Variants in METTL22 observed in about 807,000 individuals in gnomAD.
The protein encoded by METTL22 is methyltransferase-like protein 22.
Under a neutral mutation model 48.4 loss-of-function variants are expected in METTL22, and 51 were observed. The ratio of observed to expected loss-of-function variants is 1.05; its 90% CI spans 0.84 to 1.33. METTL22 has a LOEUF of 1.33. Among genes scored for constraint, METTL22 ranks in the 40% most tolerant of loss-of-function variants. The pLI is 0.00. For missense variants in METTL22, 678 were observed against 526.9 expected (o/e 1.29, Z -2.81); for synonymous variants, 255 against 214.1 (o/e 1.19, Z -1.67).
chr16:8,640,313 T>G (rs1041445452), intron 6 of METTL22, among the ~76,000 whole-genome samples: 4 of 152,084 alleles, frequency 2.6e-5, no homozygotes, highest in Admixed American at 2.6e-4. Context: ...CCTGTGCGTT[T>G]GCCTCATCCT....
At chr16:8,642,330 C>A in intron 8 of METTL22, 123 bp downstream of exon 8, 2 of 1,230,788 alleles carry the variant, frequency 1.6e-6, no homozygotes, top group Non-Finnish European at 2.4e-6. Flanking sequence ...GCCACCACAT[C>A]TGCAGTTTTA....
intron 3 of METTL22, chr16:8,631,180 T>C (rs1230447088): frequency 6.6e-6 from 1 of 152,214 alleles, no homozygotes; most frequent in Non-Finnish European, 1.5e-5. Flanking sequence ...TTTCAAGTTA[T>C]AGACCCATTT....
At chr16:8,653,181 G>A (rs1163259742), downstream of METTL22, among the ~76,000 whole-genome samples, 1 of 152,206 alleles carries the variant, frequency 6.6e-6, no homozygotes, top group Non-Finnish European at 1.5e-5. Flanking sequence ...GCAGGTGTCA[G>A]CAGGAATTTG....
Position 8,646,256 on chromosome 16 carries a change from T to C in METTL22, c.*113T>C, listed in dbSNP as rs2056797587. The C allele has an allele frequency of 7.5e-7, 1 of 1,341,570 alleles. No individual in the cohort carries two copies. Among genetic ancestry groups the C allele is most frequent in the Non-Finnish European group, 1.1e-6 (1 of 947,000 alleles). The allele number at this position is 1,341,570 out of a possible 1,614,324, so 83.1% of individuals were successfully genotyped here. A position where few individuals can be genotyped will look rare whatever the true frequency, so the allele number is the denominator to read the frequency against. ...AGATTTTGTCATTTTAAAAATATGG[T>C]TACACGTACCTTAGATGACCCAAGA... On this transcript the variant is annotated 3_prime_UTR_variant, in exon 11 of 11. Coordinates refer to ENST00000381920, the MANE Select transcript of METTL22 (RefSeq NM_024109.4).
intron 2 of METTL22, 104 bp downstream of exon 2, chr16:8,625,902 T>C: frequency 7.0e-7 from 1 of 1,424,826 alleles, no homozygotes; most frequent in Non-Finnish European, 9.6e-7. Flanking sequence ...TACGTAACTG[T>C]TATCCTCAGA....
rs528846448 is a variant in METTL22 at position 8,644,665 on chromosome 16, G to C, written c.1119G>C (p.Val373=). 6.2e-6 allele frequency: 10 copies of C among 1,606,330 alleles called. No homozygotes were observed. The Admixed American group carries it at 1.7e-4, about 27-fold the overall frequency. Residue 373 remains valine, a synonymous_variant, in exon 10 of 11, where the codon GTG becomes GTC. Coordinates refer to ENST00000381920, the MANE Select transcript of METTL22 (RefSeq NM_024109.4). ...EQLADGKLRF[V]VEPVEASFPQ... is the part of the protein sequence containing the mutation. ...TCGCAGATGGCAAGCTGCGCTTCGT[G>C]GTGGAGCCCGTGGAGGCCTCCTTCC...
At chr16:8,635,362 C>A in intron 5 of METTL22, 50 bp downstream of exon 5, 1 of 1,487,458 alleles carries the variant, frequency 6.7e-7, no homozygotes, top group Non-Finnish European at 8.9e-7. Flanking sequence ...CTTCACAAAG[C>A]ATGCACTGAC....
In METTL22 at chr16:8,649,654, A is replaced by G. The variant is rs78647521; in HGVS notation, c.*3511A>G. The G allele has an allele frequency of 6.7e-6, 1 of 149,726 alleles. No homozygotes were observed. Among genetic ancestry groups the G allele is most frequent in the Non-Finnish European group, 1.5e-5 (1 of 67,430 alleles). 9.3% of individuals were successfully genotyped at this position (149,726 alleles called of 1,614,324 possible). A position where few individuals can be genotyped will look rare whatever the true frequency, so the allele number is the denominator to read the frequency against. ...TAAAAATACAAAAAAAAAAAAAAAA[A>G]TTAGCTGGGCGTGGTGGCGGTCGCC... On this transcript the variant is annotated 3_prime_UTR_variant, in exon 11 of 11. Coordinates refer to ENST00000381920, the MANE Select transcript of METTL22 (RefSeq NM_024109.4).
At chr16:8,630,736 C>T (rs1392646249) in intron 3 of METTL22, among the ~76,000 whole-genome samples, 1 of 152,196 alleles carries the variant, frequency 6.6e-6, no homozygotes, top group East Asian at 1.9e-4. Flanking sequence ...CTGCCCTGTT[C>T]CGGTGACCTC....
At chr16:8,653,401 C>A (rs2056925926), downstream of METTL22, among the ~76,000 whole-genome samples, 1 of 152,144 alleles carries the variant, frequency 6.6e-6, no homozygotes, top group African/African-American at 2.4e-5. Context: ...CAGCACCGAT[C>A]TCTGTCCCCA....
rs887243354 is a variant in METTL22, at chr16:8,635,197, C to G, written c.585C>G (p.Asp195Glu). The G allele has an allele frequency of 1.9e-6, 3 of 1,610,974 alleles. No individual in the cohort carries two copies. Among genetic ancestry groups the G allele is most frequent in the Non-Finnish European group, 2.5e-6 (3 of 1,178,420 alleles). Reference protein sequence around the residue: ...QVWRGALLLADYILFRQDLFR... With the variant: ...QVWRGALLLAEYILFRQDLFR... ...GGCGGGGCGCCCTGCTCCTGGCAGACTACATCCTGTTCCGACAGGACCTCT... is the reference window on the plus strand; with the variant it reads ...GGCGGGGCGCCCTGCTCCTGGCAGAGTACATCCTGTTCCGACAGGACCTCT... The change falls in exon 5 of 11, where the codon GAC (aspartate) becomes GAG (glutamate). Residue 195 changes from aspartate (D) to glutamate (E), a missense_variant. Physicochemically the swap from Asp to Glu is conservative, Grantham distance 45 (BLOSUM62 2). Coordinates refer to ENST00000381920, the MANE Select transcript of METTL22 (RefSeq NM_024109.4).
chr16:8,635,142 G>A (rs151312932), intron 4 of METTL22, 26 bp from the exon 5 acceptor site: 67,524 of 1,613,736 alleles, frequency 0.042, 1,697 homozygotes, highest in Non-Finnish European at 0.048. Context: ...CACGCTGCTT[G>A]TCGCTCCTTG....
At chr16:8,664,213 A>G in the METTL22 span, among the ~76,000 whole-genome samples, 6 of 151,710 alleles carry the variant, frequency 4.0e-5, no homozygotes, top group Non-Finnish European at 8.8e-5. Flanking sequence ...TCAGGCTCCC[A>G]AGTAAGTGGA....
chr16:8,652,595 G>A (rs2056915512), downstream of METTL22, among the ~76,000 whole-genome samples: 1 of 151,192 alleles, frequency 6.6e-6, no homozygotes, highest in African/African-American at 2.4e-5. Flanking sequence ...GAGGTAGGAG[G>A]ATCACTTGAG....
In METTL22 at chr16:8,635,065, G is replaced by C; in HGVS notation, c.541G>C (p.Asp181His). The change falls in exon 4 of 11, where the codon GAT becomes CAT. Residue 181 changes from aspartate (D) to histidine (H), a missense_variant. Transcript: ENST00000381920. Reference sequence around the variant, plus strand: ...GCACACCATGGCCACGCCCCTGGAGGATGTTGGCAAGCAGGTGGGTAGGTC... The same window carrying C: ...GCACACCATGGCCACGCCCCTGGAGCATGTTGGCAAGCAGGTGGGTAGGTC... The part of the protein sequence containing the change: ...IEHTMATPLE[D>H]VGKQVWRGAL... 6.2e-7 allele frequency: 1 copy of C among 1,613,880 alleles called. No homozygotes were observed. Among genetic ancestry groups the C allele is most frequent in the Non-Finnish European group, 8.5e-7 (1 of 1,180,038 alleles).
rs913555930 is a variant in METTL22 at position 8,647,399 on chromosome 16, C to A, written c.*1256C>A. On this transcript the variant is annotated 3_prime_UTR_variant, in exon 11 of 11. Transcript: ENST00000381920. Reference sequence around the variant, plus strand: ...TATGGTCTGGCAAACAGTAGATGCTCAACACATATTGTTGAATGAATTGCT... The same window carrying A: ...TATGGTCTGGCAAACAGTAGATGCTAAACACATATTGTTGAATGAATTGCT... 1.3e-5 allele frequency: 2 copies of A among 152,296 alleles called. No individual in the cohort carries two copies. The highest frequency in any genetic ancestry group is 2.9e-5 in the Non-Finnish European group (2 of 68,122). 9.4% of individuals were successfully genotyped at this position (152,296 alleles called of 1,614,324 possible).
chr16:8,630,129 G>T (rs955953273), intron 3 of METTL22, among the ~76,000 whole-genome samples: 3 of 152,120 alleles, frequency 2.0e-5, no homozygotes, highest in Non-Finnish European at 2.9e-5. Flanking sequence ...ACTGGCCTTT[G>T]GTCAGAGAAT....
At chr16:8,641,796 G>A (rs1450223911) in intron 7 of METTL22, 3 of 468,448 alleles carry the variant, frequency 6.4e-6, no homozygotes, top group Non-Finnish European at 1.2e-5. Flanking sequence ...GCAAAACTGA[G>A]GCTGTTTTCC....
chr16:8,634,406 T>A (rs554511897), intron 3 of METTL22, among the ~76,000 whole-genome samples: 3 of 152,332 alleles, frequency 2.0e-5, no homozygotes, highest in Non-Finnish European at 4.4e-5. Flanking sequence ...CCTTTTCTCC[T>A]TGATCTTATA....
Sources: gnomAD v4.1 joint callset for allele counts (sites outside exome capture counted in the v4.1 genomes callset) on GRCh38, gnomAD v4.1.1 for gene constraint, MANE v1.5 for transcripts, NCBI Gene and HGNC (gene_info 2026-07-23, HGNC 2026-07-21) for gene names.